The following HEBP2 variants were observed in gnomAD, a reference collection of about 807,000 sequenced individuals.
HEBP2 encodes heme-binding protein 2.
HEBP2 carries 27 observed loss-of-function variants against 23.1 expected under a neutral mutation model. That is an observed-to-expected ratio of 1.17 (90% CI 0.86 to 1.61). The LOEUF is 1.61. Among genes scored for constraint, HEBP2 ranks in the 40% most tolerant of loss-of-function variants. HEBP2 has a pLI of 0.00. For missense variants in HEBP2, 245 were observed against 253.8 expected (o/e 0.97, Z 0.24); for synonymous variants, 99 against 95.1 (o/e 1.04, Z -0.24).
chr6:138,404,575 C>T lies in HEBP2; in HGVS notation c.80C>T (p.Ala27Val), dbSNP rs1202680737. Residue 27 changes from alanine to valine, a missense_variant, in exon 1 of 4, where the codon GCC becomes GTC. Physicochemically the swap from Ala to Val is moderately conservative, Grantham distance 64. Coordinates refer to ENST00000607197, the MANE Select transcript of HEBP2 (RefSeq NM_014320.3). ...GCTGTGGAGACGCCGGGCTGGAAGG[C>T]CCCGGAGGACGCCGGCCCCCAGGTA... ...AQAVETPGWK[A>V]PEDAGPQPGS... 3.1e-6 allele frequency: 4 copies of T among 1,303,820 alleles called. No homozygotes were observed. In the East Asian group the frequency reaches 9.3e-5, roughly 30 times the overall value. The allele number at this position is 1,303,820 out of a possible 1,614,324, so 80.8% of individuals were successfully genotyped here.
intron 3 of HEBP2, among the ~76,000 whole-genome samples, chr6:138,407,011 A>C (rs1043770028): frequency 3.3e-5 from 5 of 152,308 alleles, no homozygotes; most frequent in African/African-American, 4.8e-5. Flanking sequence ...AGCCTGGGTG[A>C]CTGAGACCCT....
At chr6:138,409,744 GC>G (rs1254576126) in intron 3 of HEBP2, among the ~76,000 whole-genome samples, 1 of 152,156 alleles carries the variant, frequency 6.6e-6, no homozygotes, top group Non-Finnish European at 1.5e-5. Flanking sequence ...GGTGCACAGT[GC>G]CACATATGAC....
chr6:138,403,679 C>A, upstream of HEBP2: 1 of 420,664 alleles, frequency 2.4e-6, no homozygotes, highest in Non-Finnish European at 4.2e-6. Flanking sequence ...CCGCACCCCA[C>A]TCGGCTCGGG....
intron 3 of HEBP2, among the ~76,000 whole-genome samples, chr6:138,408,833 C>G (rs1274061829): frequency 6.6e-6 from 1 of 152,126 alleles, no homozygotes; most frequent in Non-Finnish European, 1.5e-5. Flanking sequence ...TGCTTCAACT[C>G]CCTCAGTCGA....
rs35010997 is a variant in HEBP2 at position 138,415,052 on chromosome 6, G to GA, written c.*1984dup. On this transcript the variant is annotated 3_prime_UTR_variant, in exon 4 of 4. Transcript: ENST00000607197. ...ACAGAGCAAGATCCTGTCTCAGAAAGAAAAAAAAAAGTCCTAGTCATTTCT... is the reference window on the plus strand; with the variant it reads ...ACAGAGCAAGATCCTGTCTCAGAAAGAAAAAAAAAAAGTCCTAGTCATTTCT... 46 of 148,804 alleles carry GA rather than the reference G, an allele frequency of 3.1e-4. No homozygotes were observed. The highest frequency in any genetic ancestry group is 3.4e-3 in the Middle Eastern group (1 of 294). 9.2% of individuals were successfully genotyped at this position (148,804 alleles called of 1,614,324 possible).
Position 138,420,932 on chromosome 6 carries a change from T to C in HEBP2, c.*7854T>C, listed in dbSNP as rs1412265957. The C allele has an allele frequency of 6.6e-6, 1 of 152,208 alleles. No individual in the cohort carries two copies. Among genetic ancestry groups the C allele is most frequent in the Non-Finnish European group, 1.5e-5 (1 of 68,028 alleles). The allele number at this position is 152,208 out of a possible 1,614,324, so 9.4% of individuals were successfully genotyped here. ...TTTCTATCTTTGGGCCTCCTTGTCT[T>C]TACCTAGCACATGAGAAGCATTTAT... is the stretch of plus-strand genomic sequence containing the variant. On this transcript the variant is annotated 3_prime_UTR_variant, in exon 4 of 4. Transcript: ENST00000607197.
intron 3 of HEBP2, among the ~76,000 whole-genome samples, chr6:138,409,807 C>T (rs569064586): frequency 6.6e-6 from 1 of 152,326 alleles, no homozygotes; most frequent in South Asian, 2.1e-4. Flanking sequence ...GGGCTTCTCA[C>T]CCTTCATGTA....
intron 2 of HEBP2, among the ~76,000 whole-genome samples, chr6:138,405,500 TG>T (rs1774629127): frequency 6.6e-6 from 1 of 152,198 alleles, no homozygotes; most frequent in African/African-American, 2.4e-5. Context: ...TGGGGTTTGG[TG>T]TAACTCGTGA....
rs1031535693 is a variant in HEBP2 at position 138,419,108 on chromosome 6, G to T, written c.*6030G>T. 4 of 152,164 alleles carry T rather than the reference G, an allele frequency of 2.6e-5. No homozygotes were observed. Among genetic ancestry groups the T allele is most frequent in the African/African-American group, 9.7e-5 (4 of 41,424 alleles). The allele number at this position is 152,164 out of a possible 1,614,324, so 9.4% of individuals were successfully genotyped here. On this transcript the variant is annotated 3_prime_UTR_variant, in exon 4 of 4. Coordinates refer to ENST00000607197, the MANE Select transcript of HEBP2 (RefSeq NM_014320.3). ...TAGCCTGTTCTATTAGCTTTTGCCA[G>T]TGCCCACCTCAGTGCTGGTAAAATG...
intron 3 of HEBP2, among the ~76,000 whole-genome samples, chr6:138,406,494 G>C (rs1441750556): frequency 6.6e-6 from 1 of 152,212 alleles, no homozygotes. Flanking sequence ...AATACCGTAG[G>C]CTGGGTAGTT....
rs575078159 is a variant in HEBP2 at position 138,405,211 on chromosome 6, G to A, written c.169G>A (p.Asp57Asn). ...KWVSTSVESMDWDSAIQTGFT... is the reference protein window; with the variant it reads ...KWVSTSVESMNWDSAIQTGFT... ...GGTCAGCACGTCCGTGGAGTCTATGGACTGGGATTCAGCCATCCAGACGGG... is the reference window on the plus strand; with the variant it reads ...GGTCAGCACGTCCGTGGAGTCTATGAACTGGGATTCAGCCATCCAGACGGG... The change falls in exon 2 of 4, where the codon GAC becomes AAC. Residue 57 changes from aspartate to asparagine, a missense_variant. Asp to Asn is a conservative substitution (Grantham distance 23, BLOSUM62 1). Transcript: ENST00000607197. The A allele has an allele frequency of 5.9e-5, 95 of 1,614,210 alleles. 1 individual carries two copies. The South Asian group carries it at 1.0e-3, about 17-fold the overall frequency.
intron 3 of HEBP2, chr6:138,412,089 GA>G (rs1774756003): frequency 4.5e-6 from 2 of 448,476 alleles, no homozygotes; most frequent in Admixed American, 2.5e-5. Flanking sequence ...TTAGGAGAGG[GA>G]AAAAGGGGCA....
At position 138,413,262 on chromosome 6, in the gene HEBP2, C is replaced by T. The variant is rs1005666848; in HGVS notation, c.*184C>T. 12 of 566,060 alleles carry T rather than the reference C, an allele frequency of 2.1e-5. No homozygotes were observed. In the Admixed American group the frequency reaches 2.2e-4, roughly 10 times the overall value. The allele number at this position is 566,060 out of a possible 1,614,324, so 35.1% of individuals were successfully genotyped here. A position where few individuals can be genotyped will look rare whatever the true frequency, so the allele number is the denominator to read the frequency against. On this transcript the variant is annotated 3_prime_UTR_variant, in exon 4 of 4. Coordinates refer to ENST00000607197, the MANE Select transcript of HEBP2 (RefSeq NM_014320.3). ...ATCTACATACACAGGTAACAGAGGA[C>T]AGTAGTCTGTAAACATATAAATCGG...
At chr6:138,411,826 C>T (rs1389833841) in intron 3 of HEBP2, among the ~76,000 whole-genome samples, 4 of 152,116 alleles carry the variant, frequency 2.6e-5, no homozygotes, top group Admixed American at 2.6e-4. Flanking sequence ...CGATGTGCAC[C>T]TGTGGTTCCA....
In HEBP2 at chr6:138,405,020, C is replaced by T. The variant is rs974384075; in HGVS notation, c.103-125C>T. 4.8e-6 allele frequency: 5 copies of T among 1,032,218 alleles called. No individual in the cohort carries two copies. In the African/African-American group the frequency reaches 6.5e-5, roughly 13 times the overall value. The allele number at this position is 1,032,218 out of a possible 1,614,324, so 63.9% of individuals were successfully genotyped here. ...AGGAGCGGGGACCTCAGGCCGGACC[C>T]CGGGGCGGTGCAGCCCCTAGACAGG... is the stretch of plus-strand genomic sequence containing the variant. On this transcript the variant is annotated intron_variant, in intron 1 of 3. Transcript: ENST00000607197.
At chr6:138,405,424 C>A in intron 2 of HEBP2, 144 bp downstream of exon 2, 1 of 1,010,848 alleles carries the variant, frequency 9.9e-7, no homozygotes, top group South Asian at 1.5e-5. Flanking sequence ...AGACAAGACT[C>A]CTCAGGACCA....
At chr6:138,410,310 GA>G (rs1420132700) in intron 3 of HEBP2, among the ~76,000 whole-genome samples, 15 of 152,124 alleles carry the variant, frequency 9.9e-5, no homozygotes, top group African/African-American at 3.4e-4. Flanking sequence ...AGATCATTGT[GA>G]AACAACACAC....
rs555814638 is a variant in HEBP2, at chr6:138,406,170, A to G, written c.419+19A>G. On this transcript the variant is annotated intron_variant, in intron 3 of 3. Coordinates refer to ENST00000607197, the MANE Select transcript of HEBP2 (RefSeq NM_014320.3). Reference sequence around the variant, plus strand: ...TTGTACGGTAAGTGGTAGATAATTTATAGCCTTGCTGACTGCTAGTTTTAC... The same window carrying G: ...TTGTACGGTAAGTGGTAGATAATTTGTAGCCTTGCTGACTGCTAGTTTTAC... 3.1e-6 allele frequency: 5 copies of G among 1,608,962 alleles called. No individual in the cohort carries two copies. In the African/African-American group the frequency reaches 6.7e-5, roughly 21 times the overall value.
chr6:138,405,528 GC>G (rs555831998), intron 2 of HEBP2, among the ~76,000 whole-genome samples: 126 of 152,220 alleles, frequency 8.3e-4, no homozygotes, highest in African/African-American at 3.0e-3. Flanking sequence ...CTTTTCTATG[GC>G]TAACACCTCA....
Sources: gnomAD v4.1 joint callset for allele counts (sites outside exome capture counted in the v4.1 genomes callset) on GRCh38, gnomAD v4.1.1 for gene constraint, MANE v1.5 for transcripts, NCBI Gene and HGNC (gene_info 2026-07-23, HGNC 2026-07-21) for gene names.